The following THRB variants were observed in gnomAD, a reference collection of about 807,000 sequenced individuals.
THRB encodes the protein nuclear receptor subfamily 1 group A member 2.
A neutral mutation model predicts 47.8 loss-of-function variants in THRB; 12 were observed. That is an observed-to-expected ratio of 0.25 (90% CI 0.16 to 0.41). The LOEUF is 0.41. Among genes scored for constraint, THRB ranks in the 10% least tolerant of loss-of-function variants. The pLI is 1.00. For synonymous variants in THRB, 218 were observed against 212.2 expected (o/e 1.03, Z -0.24); for missense variants, 348 against 589.2 (o/e 0.59, Z 4.24).
chr3:24,123,276 A>C (rs896818093), intron 10 of THRB, 151 bp from the exon 11 acceptor site: 7 of 1,081,294 alleles, frequency 6.5e-6, no homozygotes, highest in African/African-American at 1.5e-5. Flanking sequence ...CTGGTGCTCC[A>C]GGGACCAGGT....
chr3:24,133,063 T>A (rs569484765), intron 9 of THRB, among the ~76,000 whole-genome samples: 3 of 152,188 alleles, frequency 2.0e-5, no homozygotes, highest in Non-Finnish European at 4.4e-5. Flanking sequence ...CTATCATTAT[T>A]TCTCAATGCC....
At chr3:24,400,767 T>A (rs1452431417) in intron 1 of THRB, among the ~76,000 whole-genome samples, 1 of 152,082 alleles carries the variant, frequency 6.6e-6, no homozygotes, top group Admixed American at 6.6e-5. Flanking sequence ...GCTTACTAAA[T>A]GTCTCTGTAA....
chr3:24,201,125 T>A (rs2044540402), intron 4 of THRB, among the ~76,000 whole-genome samples: 1 of 149,190 alleles, frequency 6.7e-6, no homozygotes, highest in Admixed American at 6.7e-5. Flanking sequence ...ATTCTATGAT[T>A]TTTTTTTTTT....
intron 3 of THRB, among the ~76,000 whole-genome samples, chr3:24,279,486 G>A (rs1040534214): frequency 7.2e-5 from 11 of 151,810 alleles, no homozygotes; most frequent in Non-Finnish European, 1.3e-4. Flanking sequence ...CCGGGTTCAC[G>A]CCATTCTCCT....
chr3:24,422,905 C>A (rs2069406379), intron 1 of THRB, among the ~76,000 whole-genome samples: 1 of 151,840 alleles, frequency 6.6e-6, no homozygotes, highest in Non-Finnish European at 1.5e-5. Context: ...TAACTTTGAC[C>A]AACAGAATGT....
At chr3:24,490,278 A>T (rs1697943962) in intron 1 of THRB, among the ~76,000 whole-genome samples, 1 of 152,242 alleles carries the variant, frequency 6.6e-6, no homozygotes, top group South Asian at 2.1e-4. Flanking sequence ...CTTGCCATCC[A>T]TTGCTCAACC....
chr3:24,444,256 T>C (rs2071844283), intron 1 of THRB, among the ~76,000 whole-genome samples: 1 of 152,176 alleles, frequency 6.6e-6, no homozygotes, highest in South Asian at 2.1e-4. Context: ...ATTTTTTGAT[T>C]ATAATATAAT....
At chr3:24,346,925 C>T (rs952570446) in intron 1 of THRB, among the ~76,000 whole-genome samples, 1 of 151,658 alleles carries the variant, frequency 6.6e-6, no homozygotes, top group Non-Finnish European at 1.5e-5. Flanking sequence ...CACATTTGAC[C>T]TAATTGATTT....
At chr3:24,417,620 C>G (rs2068870435) in intron 1 of THRB, among the ~76,000 whole-genome samples, 1 of 151,852 alleles carries the variant, frequency 6.6e-6, no homozygotes, top group Non-Finnish European at 1.5e-5. Context: ...GTATAAGCAA[C>G]TGAGCCTTGG....
In THRB at chr3:24,373,262, T is replaced by C. The variant is rs1477603338; in HGVS notation, c.-260-35891A>G. Among the ~76,000 whole-genome samples, 4 of 152,268 alleles carry C rather than the reference T, an allele frequency of 2.6e-5. No homozygotes were observed. The South Asian group carries it at 6.2e-4, about 24-fold the overall frequency. ...ACTGAAGGAGCCTCTGGCTGCTCTTTTCTCACGATCTGGAGAGATAATGTA... is the reference window on the plus strand; with the variant it reads ...ACTGAAGGAGCCTCTGGCTGCTCTTCTCTCACGATCTGGAGAGATAATGTA... On this transcript the variant is annotated intron_variant, in intron 1 of 10. Transcript: ENST00000646209.
intron 1 of THRB, among the ~76,000 whole-genome samples, chr3:24,474,001 C>G (rs908499371): frequency 6.6e-6 from 1 of 152,090 alleles, no homozygotes; most frequent in Admixed American, 6.6e-5. Flanking sequence ...AGAAGAAATA[C>G]CTAATGTAGA....
intron 1 of THRB, among the ~76,000 whole-genome samples, chr3:24,430,407 A>C (rs2070258723): frequency 6.6e-6 from 1 of 152,068 alleles, no homozygotes; most frequent in African/African-American, 2.4e-5. Flanking sequence ...ATGCTAGCAC[A>C]ATTGTTTTTC....
At chr3:24,286,858 C>T (rs2055357048) in intron 3 of THRB, among the ~76,000 whole-genome samples, 1 of 152,176 alleles carries the variant, frequency 6.6e-6, no homozygotes, top group South Asian at 2.1e-4. Flanking sequence ...TACATTTTCT[C>T]ACCGTTAGCC....
At chr3:24,410,609 T>C (rs2068209703) in intron 1 of THRB, among the ~76,000 whole-genome samples, 1 of 151,800 alleles carries the variant, frequency 6.6e-6, no homozygotes, top group African/African-American at 2.4e-5. Flanking sequence ...TGAAGAAAAT[T>C]ACCTGATGAG....
intron 4 of THRB, among the ~76,000 whole-genome samples, chr3:24,191,684 A>G (rs538764192): frequency 1.3e-5 from 2 of 152,374 alleles, no homozygotes; most frequent in East Asian, 3.9e-4. Context: ...TGGTTTCTCT[A>G]AAAGTGTAAA....
intron 1 of THRB, among the ~76,000 whole-genome samples, chr3:24,342,998 C>G (rs990088387): frequency 6.6e-6 from 1 of 152,106 alleles, no homozygotes; most frequent in African/African-American, 2.4e-5. Flanking sequence ...AGACTTGGTT[C>G]TAATCCAAGC....
At chr3:24,409,864 G>A (rs2068130484) in intron 1 of THRB, among the ~76,000 whole-genome samples, 1 of 151,786 alleles carries the variant, frequency 6.6e-6, no homozygotes, top group African/African-American at 2.4e-5. Flanking sequence ...ACAGTCCATG[G>A]AAATATCTGT....
At chr3:24,268,448 T>TA (rs1388372320) in intron 3 of THRB, among the ~76,000 whole-genome samples, 5 of 152,300 alleles carry the variant, frequency 3.3e-5, no homozygotes, top group Middle Eastern at 3.4e-3. Context: ...AACAGTAGAT[T>TA]AAAAAAGACC....
At chr3:24,250,514 T>A (rs2050558347) in intron 3 of THRB, among the ~76,000 whole-genome samples, 1 of 152,008 alleles carries the variant, frequency 6.6e-6, no homozygotes, top group African/African-American at 2.4e-5. Flanking sequence ...CTGGACAATA[T>A]AATGAGACCT....
Sources: gnomAD v4.1 joint callset for allele counts (sites outside exome capture counted in the v4.1 genomes callset) on GRCh38, gnomAD v4.1.1 for gene constraint, MANE v1.5 for transcripts, NCBI Gene and HGNC (gene_info 2026-07-23, HGNC 2026-07-21) for gene names.